IP6K3: variants seen among roughly 807,000 people sequenced by gnomAD.
IP6K3 encodes ATP:1D-myo-inositol-hexakisphosphate phosphotransferase.
In IP6K3, 20 loss-of-function variants were observed where a neutral mutation model predicts 28.8. That is an observed-to-expected ratio of 0.70 (90% CI 0.49 to 1.01). IP6K3 has a LOEUF of 1.01. Among genes scored for constraint, IP6K3 ranks in the 50% least tolerant of loss-of-function variants. The pLI is 0.00. For synonymous variants in IP6K3, 213 were observed against 221.3 expected (o/e 0.96, Z 0.33); for missense variants, 480 against 537.1 (o/e 0.89, Z 1.05).
intron 5 of IP6K3, among the ~76,000 whole-genome samples, chr6:33,724,763 G>A (rs1766033082): frequency 1.3e-5 from 2 of 152,268 alleles, no homozygotes; most frequent in African/African-American, 4.8e-5. Context: ...GCCACGGGGT[G>A]CACCAAGAAG....
the IP6K3 span, among the ~76,000 whole-genome samples, chr6:33,753,746 C>T: frequency 2.0e-5 from 3 of 152,154 alleles, no homozygotes; most frequent in Non-Finnish European, 1.5e-5. Flanking sequence ...ATTGCCTAGC[C>T]CTGGCTTCCC....
At position 33,742,463 on chromosome 6, in the gene IP6K3, G is replaced by A. The variant is rs1300686541; in HGVS notation, c.-180+4295C>T. ...GGCAGCAAGAACCGCACACCCAGGGGCAGCATGCTGCTGGTGGGCAGTGTC... is the reference window on the plus strand; with the variant it reads ...GGCAGCAAGAACCGCACACCCAGGGACAGCATGCTGCTGGTGGGCAGTGTC... On this transcript the variant is annotated intron_variant, in intron 1 of 5. Transcript: ENST00000293756. This position sits in a 1 kb window ranked among gnomAD's most constrained non-coding sequence, Gnocchi z 4.5. Among the ~76,000 whole-genome samples the A allele has an allele frequency of 2.0e-5, 3 of 152,146 alleles. No homozygotes were observed. The highest frequency in any genetic ancestry group is 2.0e-4 in the Admixed American group (3 of 15,284).
At chr6:33,748,494 A>G (rs1766970668), upstream of IP6K3, among the ~76,000 whole-genome samples, 1 of 151,746 alleles carries the variant, frequency 6.6e-6, no homozygotes, top group African/African-American at 2.4e-5. Flanking sequence ...GTGGCTGGGC[A>G]CGGTGGCTCA....
chr6:33,723,579 A>C (rs1011627111), intron 5 of IP6K3, among the ~76,000 whole-genome samples: 3 of 152,236 alleles, frequency 2.0e-5, no homozygotes, highest in Admixed American at 1.3e-4. Flanking sequence ...CTTTAATAGG[A>C]ATCTGAAATC....
chr6:33,749,292 A>G (rs112065773), upstream of IP6K3, among the ~76,000 whole-genome samples: 883 of 152,134 alleles, frequency 5.8e-3, 2 homozygotes, highest in African/African-American at 0.017. Context: ...TTATTCTTCT[A>G]TTTATGTAAC....
At chr6:33,743,698 G>A (rs1766809369) in intron 1 of IP6K3, among the ~76,000 whole-genome samples, 1 of 152,134 alleles carries the variant, frequency 6.6e-6, no homozygotes, top group South Asian at 2.1e-4. Context: ...AGTGCTGGGG[G>A]ACTTCACACA....
Position 33,742,658 on chromosome 6 carries a change from C to T in IP6K3, c.-180+4100G>A, listed in dbSNP as rs538004972. ...TGTATGTAAATATGTTGGTAATTAACAAAATACAAATTCATTTAAAGGCAT... is the reference window on the plus strand; with the variant it reads ...TGTATGTAAATATGTTGGTAATTAATAAAATACAAATTCATTTAAAGGCAT... On this transcript the variant is annotated intron_variant, in intron 1 of 5. Transcript: ENST00000293756. The surrounding 1 kb of genome is among the most constrained non-coding windows in gnomAD (Gnocchi z 4.5). Among the ~76,000 whole-genome samples the T allele has an allele frequency of 1.2e-4, 19 of 152,292 alleles. No homozygotes were observed. The highest frequency in any genetic ancestry group is 6.8e-3 in the Middle Eastern group (2 of 294).
At chr6:33,745,226 T>G (rs1342812453) in intron 1 of IP6K3, among the ~76,000 whole-genome samples, 1 of 152,246 alleles carries the variant, frequency 6.6e-6, no homozygotes, top group African/African-American at 2.4e-5. Context: ...TCCGGGTTTC[T>G]GCCTGGGAAG....
the IP6K3 span, among the ~76,000 whole-genome samples, chr6:33,757,930 G>C: frequency 6.6e-6 from 1 of 152,148 alleles, no homozygotes; most frequent in Non-Finnish European, 1.5e-5. Context: ...ATACATCCGA[G>C]GCAGGGGGGA....
chr6:33,728,762 G>A (rs1013496267), intron 2 of IP6K3, among the ~76,000 whole-genome samples: 2 of 152,064 alleles, frequency 1.3e-5, no homozygotes, highest in Non-Finnish European at 2.9e-5. Flanking sequence ...TCCCTCCTCC[G>A]TGCCCTCTGC....
In IP6K3 at chr6:33,743,637, A is replaced by G. The variant is rs902819991; in HGVS notation, c.-180+3121T>C. Among the ~76,000 whole-genome samples, 8 of 152,250 alleles carry G rather than the reference A, an allele frequency of 5.3e-5. No homozygotes were observed. In the East Asian group the frequency reaches 1.5e-3, roughly 29 times the overall value. On this transcript the variant is annotated intron_variant, in intron 1 of 5. Coordinates refer to ENST00000293756, the MANE Select transcript of IP6K3 (RefSeq NM_054111.5). ...CTAAAAATGACTCAAGGGCTGTAGGATGGTGCGCCCTCTGTCCGTGTGGCT... is the reference window on the plus strand; with the variant it reads ...CTAAAAATGACTCAAGGGCTGTAGGGTGGTGCGCCCTCTGTCCGTGTGGCT...
chr6:33,745,264 G>C (rs1184519701), intron 1 of IP6K3, among the ~76,000 whole-genome samples: 1 of 152,200 alleles, frequency 6.6e-6, no homozygotes. Context: ...TGGAGGGCAG[G>C]AGAAAGAAGG....
intron 5 of IP6K3, among the ~76,000 whole-genome samples, chr6:33,723,725 A>T (rs1384600868): frequency 6.6e-6 from 1 of 152,140 alleles, no homozygotes; most frequent in African/African-American, 2.4e-5. Context: ...AGATAAAAAG[A>T]CAGGCTAGGT....
rs200607417 is a variant in IP6K3, at chr6:33,728,204, G to A, written c.296C>T (p.Thr99Ile). ...CCATATGGCCACCGCCGCCGACTCT[G>A]TGGAGACCTTGAAGGGCTCCTGGCT... ...KESQEPFKVS[T>I]ESAAVAIWQT... Residue 99 changes from threonine to isoleucine, a missense_variant, in exon 3 of 6, where the codon ACA becomes ATA. By Grantham distance (89) the Thr-to-Ile change is moderately conservative (BLOSUM62 -1). Coordinates refer to ENST00000293756, the MANE Select transcript of IP6K3 (RefSeq NM_054111.5). 5.1e-5 allele frequency: 82 copies of A among 1,614,118 alleles called. No individual in the cohort carries two copies. In the East Asian group the frequency reaches 1.8e-3, roughly 36 times the overall value.
the IP6K3 span, among the ~76,000 whole-genome samples, chr6:33,760,775 C>T: frequency 6.6e-6 from 1 of 152,316 alleles, no homozygotes; most frequent in East Asian, 1.9e-4. Flanking sequence ...ATCTGCCCAC[C>T]TCGGCCTCTC....
In IP6K3 at chr6:33,728,229, T is replaced by C. The variant is rs762336038; in HGVS notation, c.271A>G (p.Ser91Gly). Residue 91 changes from serine (S) to glycine (G), a missense_variant, in exon 3 of 6, where the codon AGC becomes GGC. Ser to Gly is a moderately conservative substitution (Grantham distance 56). Coordinates refer to ENST00000293756, the MANE Select transcript of IP6K3 (RefSeq NM_054111.5). ...GTGGAGACCTTGAAGGGCTCCTGGC[T>C]CTCCTTCACTGGGTTGGCAACCAAG... ...LSLVANPVKE[S>G]QEPFKVSTES... 3.1e-6 allele frequency: 5 copies of C among 1,614,142 alleles called. No homozygotes were observed. Among genetic ancestry groups the C allele is most frequent in the Non-Finnish European group, 4.2e-6 (5 of 1,180,024 alleles).
intron 2 of IP6K3, among the ~76,000 whole-genome samples, chr6:33,734,482 C>T (rs1766437529): frequency 6.6e-6 from 1 of 152,226 alleles, no homozygotes; most frequent in South Asian, 2.1e-4. Flanking sequence ...ACAATGAGGG[C>T]AGCAGCTTGC....
At chr6:33,741,107 G>A (rs905975561) in intron 1 of IP6K3, among the ~76,000 whole-genome samples, 2 of 152,172 alleles carry the variant, frequency 1.3e-5, no homozygotes, top group Non-Finnish European at 2.9e-5. Context: ...TTCAAGAGAT[G>A]TTCCCCCCAT....
upstream of IP6K3, among the ~76,000 whole-genome samples, chr6:33,751,874 T>C (rs1767027552): frequency 6.6e-6 from 1 of 152,164 alleles, no homozygotes; most frequent in Non-Finnish European, 1.5e-5. This position sits in a 1 kb window ranked among gnomAD's most constrained non-coding sequence, Gnocchi z 4.3. Context: ...TGTTTGGGCC[T>C]GGAGAAGGCT....
Sources: allele counts gnomAD v4.1 joint callset (sites outside exome capture counted in the v4.1 genomes callset), GRCh38; gene constraint gnomAD v4.1.1; non-coding constraint Gnocchi (gnomAD v3.1); transcripts MANE v1.5; gene names NCBI Gene and HGNC (gene_info 2026-07-23, HGNC 2026-07-21).